The following TRIM66 variants were observed in gnomAD, a reference collection of about 807,000 sequenced individuals.
The protein encoded by TRIM66 is tripartite motif-containing protein 66.
In TRIM66, 99 loss-of-function variants were observed where a neutral mutation model predicts 148.2. That is an observed-to-expected ratio of 0.67 (90% CI 0.57 to 0.79). The LOEUF (loss-of-function observed/expected upper bound fraction) is 0.79, where lower values mean the gene tolerates loss of function less well. Among genes scored for constraint, TRIM66 ranks in the 30% least tolerant of loss-of-function variants. The pLI is 0.00. For missense variants in TRIM66, 1,666 were observed against 1,697.9 expected (o/e 0.98, Z 0.33); for synonymous variants, 616 against 635.9 (o/e 0.97, Z 0.47).
intron 4 of TRIM66, among the ~76,000 whole-genome samples, chr11:8,674,336 G>A (rs935359196): frequency 1.3e-5 from 2 of 152,086 alleles, no homozygotes; most frequent in African/African-American, 2.4e-5. Flanking sequence ...ATGTTAACAC[G>A]AATAACATAC....
intron 6 of TRIM66, among the ~76,000 whole-genome samples, chr11:8,655,253 GA>G (rs1457389923): frequency 1.3e-5 from 2 of 152,068 alleles, no homozygotes; most frequent in African/African-American, 4.8e-5. Context: ...AAGTTTTCTG[GA>G]AAAAAAGCCA....
chr11:8,617,881 T>A lies in TRIM66; in HGVS notation c.*63A>T. ...ACTCTGAAGAGGATAAGCTGCAAGA[T>A]GGGGAGGAATGGTCGACAGTATGGG... On this transcript the variant is annotated 3_prime_UTR_variant, in exon 25 of 25. Transcript: ENST00000646038. 1 of 1,460,232 alleles carries A rather than the reference T, an allele frequency of 6.8e-7. No homozygotes were observed. Among genetic ancestry groups the A allele is most frequent in the South Asian group, 1.2e-5 (1 of 81,990 alleles). The allele number at this position is 1,460,232 out of a possible 1,614,324, so 90.5% of individuals were successfully genotyped here.
In TRIM66 at chr11:8,645,794, T is replaced by G; in HGVS notation, c.1051A>C (p.Asn351His). Residue 351 changes from asparagine (N) to histidine (H), a missense_variant, in exon 12 of 25, where the codon AAC (asparagine) becomes CAC (histidine). Physicochemically the swap from Asn to His is moderately conservative, Grantham distance 68 (BLOSUM62 1). Around this residue, in one of 3 missense-constraint regions of TRIM66, gnomAD observed 1,431 missense variants for 1,412.4 expected, o/e 1.01. Transcript: ENST00000646038. The part of the protein sequence containing the change: ...RQFEHVQNFI[N>H]WAVCSKTSVP... The stretch of plus-strand genomic sequence containing the variant: ...CTGGTTTTGCTGCAGACAGCCCAGT[T>G]GATGAAATTCTGCACATGCTCAAAC... 2 of 1,551,760 alleles carry G rather than the reference T, an allele frequency of 1.3e-6. No homozygotes were observed. The highest frequency in any genetic ancestry group is 1.7e-6 in the Non-Finnish European group (2 of 1,146,990).
chr11:8,628,542 G>A (rs1277068071), intron 15 of TRIM66, among the ~76,000 whole-genome samples: 1 of 149,616 alleles, frequency 6.7e-6, no homozygotes, highest in Admixed American at 6.7e-5. Context: ...GAGCCCGGAA[G>A]GTTGAGACTG....
At chr11:8,680,944 T>C (rs1163267055) in intron 1 of TRIM66, 1 of 152,160 alleles carries the variant, frequency 6.6e-6, no homozygotes, top group African/African-American at 2.4e-5. Flanking sequence ...ACAAGTGATA[T>C]GAAGAATAGG....
In TRIM66 at chr11:8,625,074, G is replaced by C; in HGVS notation, c.2465C>G (p.Pro822Arg). Residue 822 changes from proline to arginine, a missense_variant, in exon 16 of 25, where the codon CCC becomes CGC. Around this residue, in one of 3 missense-constraint regions of TRIM66, gnomAD observed 1,431 missense variants for 1,412.4 expected, o/e 1.01. Coordinates refer to ENST00000646038, the MANE Select transcript of TRIM66 (RefSeq NM_001388022.1). ...TGTCAGGCTGGACACCATTTTGGGG[G>C]GAGCACTCAGCAGGCTTGGTACTGC... ...PQAVPSLLSA[P>R]PKMVSSLTSV... 1 of 1,551,748 alleles carries C rather than the reference G, an allele frequency of 6.4e-7. No individual in the cohort carries two copies. The highest frequency in any genetic ancestry group is 1.2e-5 in the South Asian group (1 of 84,064).
intron 6 of TRIM66, among the ~76,000 whole-genome samples, chr11:8,669,159 T>C (rs2038779044): frequency 6.6e-6 from 1 of 152,338 alleles, no homozygotes; most frequent in East Asian, 1.9e-4. Context: ...CAATATCATT[T>C]GGTCCAAAGC....
intron 6 of TRIM66, among the ~76,000 whole-genome samples, chr11:8,655,275 A>C (rs1457197445): frequency 1.3e-5 from 2 of 152,242 alleles, no homozygotes; most frequent in East Asian, 3.8e-4. Context: ...GTGCAGGTTT[A>C]TAAGGAAAGC....
intron 15 of TRIM66, among the ~76,000 whole-genome samples, chr11:8,636,360 G>A (rs2035879338): frequency 6.6e-6 from 1 of 152,050 alleles, no homozygotes; most frequent in South Asian, 2.1e-4. Flanking sequence ...CAGCAGGCAA[G>A]AAGAACCCAT....
At chr11:8,645,999 C>A in intron 11 of TRIM66, 112 bp from the exon 12 acceptor site, 1 of 1,057,038 alleles carries the variant, frequency 9.5e-7, no homozygotes, top group South Asian at 1.6e-5. Flanking sequence ...TGAGACTACA[C>A]CCCTGAGAGG....
rs190651610 is a variant in TRIM66 at position 8,648,148 on chromosome 11, A to T, written c.726-62T>A. 124 of 1,385,204 alleles carry T rather than the reference A, an allele frequency of 9.0e-5. 1 individual carries two copies. The East Asian group carries it at 2.0e-3, about 23-fold the overall frequency. 85.8% of individuals were successfully genotyped at this position (1,385,204 alleles called of 1,614,324 possible). On this transcript the variant is annotated intron_variant, in intron 9 of 24. Coordinates refer to ENST00000646038, the MANE Select transcript of TRIM66 (RefSeq NM_001388022.1). ...GAGTCCTACTTTGAGCATGCCAACCAAGCGGGAATCTCCACAGGGAACTGT... is the reference window on the plus strand; with the variant it reads ...GAGTCCTACTTTGAGCATGCCAACCTAGCGGGAATCTCCACAGGGAACTGT...
chr11:8,654,017 A>C (rs2037595617), intron 6 of TRIM66, among the ~76,000 whole-genome samples: 2 of 152,192 alleles, frequency 1.3e-5, no homozygotes, highest in Admixed American at 1.3e-4. Flanking sequence ...CATCTACAGC[A>C]GGACAGAAAT....
chr11:8,635,499 T>C (rs531587403), intron 15 of TRIM66, among the ~76,000 whole-genome samples: 3 of 152,272 alleles, frequency 2.0e-5, no homozygotes, highest in Admixed American at 6.5e-5. Context: ...CTTTTCCTCA[T>C]TGCAGTAGTT....
At position 8,640,648 on chromosome 11, in the gene TRIM66, G is replaced by A. The variant is rs2036296758; in HGVS notation, c.1727C>T (p.Thr576Ile). Residue 576 changes from threonine to isoleucine, a missense_variant, in exon 14 of 25, where the codon ACA becomes ATA. Coordinates refer to ENST00000646038, the MANE Select transcript of TRIM66 (RefSeq NM_001388022.1). ...QGAHAQPTLQ[T>I]PSIQVQFGHH... is the part of the protein sequence containing the mutation. ...GCCAAACTGGACTTGGATAGAGGGT[G>A]TCTGTAAGGTGGGCTGGGCATGGGC... The A allele has an allele frequency of 6.4e-7, 1 of 1,551,580 alleles. No homozygotes were observed. Among genetic ancestry groups the A allele is most frequent in the South Asian group, 1.2e-5 (1 of 84,068 alleles).
At chr11:8,652,622 A>G (rs910283347) in intron 6 of TRIM66, among the ~76,000 whole-genome samples, 1 of 152,160 alleles carries the variant, frequency 6.6e-6, no homozygotes, top group South Asian at 2.1e-4. Flanking sequence ...CTTCTGGACT[A>G]TAAAAGCAGC....
At chr11:8,673,927 G>A (rs529797883) in intron 4 of TRIM66, among the ~76,000 whole-genome samples, 1 of 152,364 alleles carries the variant, frequency 6.6e-6, no homozygotes, top group African/African-American at 2.4e-5. Context: ...AGGAGGAAGG[G>A]TGATGGGGCT....
At chr11:8,673,650 T>C (rs1364417060) in intron 4 of TRIM66, among the ~76,000 whole-genome samples, 1 of 152,234 alleles carries the variant, frequency 6.6e-6, no homozygotes, top group Non-Finnish European at 1.5e-5. Context: ...GTCATAATGA[T>C]AGTTTAGTTT....
At chr11:8,653,965 C>T (rs1437536932) in intron 6 of TRIM66, among the ~76,000 whole-genome samples, 3 of 150,582 alleles carry the variant, frequency 2.0e-5, no homozygotes, top group Non-Finnish European at 4.4e-5. Flanking sequence ...AATAAGGCTA[C>T]TGTCCCTCTC....
intron 15 of TRIM66, among the ~76,000 whole-genome samples, chr11:8,631,508 C>A (rs549714070): frequency 1.2e-4 from 18 of 152,316 alleles, no homozygotes; most frequent in African/African-American, 4.3e-4. Context: ...GCTAAGGAGA[C>A]CATTTCTTAG....
Sources: allele counts gnomAD v4.1 joint callset (sites outside exome capture counted in the v4.1 genomes callset), GRCh38; gene constraint gnomAD v4.1.1; regional missense constraint gnomAD v4.1.1; transcripts MANE v1.5; gene names NCBI Gene and HGNC (gene_info 2026-07-23, HGNC 2026-07-21).